The following CDH23 variants were observed in gnomAD, a reference collection of about 807,000 sequenced individuals.
CDH23 encodes cadherin related 23.
CDH23 carries 189 observed loss-of-function variants against 317.1 expected under a neutral mutation model. The observed-to-expected ratio is 0.60, with a 90% confidence interval of 0.53 to 0.67. CDH23 has a LOEUF of 0.67. Ranked by LOEUF, CDH23 falls within the 30% of genes least tolerant of loss-of-function variation. The pLI is 0.00. For synonymous variants in CDH23, 1,839 were observed against 1,876.8 expected (o/e 0.98, Z 0.52); for missense variants, 4,401 against 4,592.4 (o/e 0.96, Z 1.20).
chr10:71,742,358 A>C (rs1423746461), intron 38 of CDH23, among the ~76,000 whole-genome samples: 3 of 152,156 alleles, frequency 2.0e-5, no homozygotes, highest in African/African-American at 7.2e-5. Context: ...CTTCCCCTAC[A>C]TTGTGTGGTG....
intron 3 of CDH23, among the ~76,000 whole-genome samples, chr10:71,486,471 G>T (rs1852352719): frequency 6.6e-6 from 1 of 151,968 alleles, no homozygotes; most frequent in Admixed American, 6.5e-5. Context: ...CGGGGATTAT[G>T]AGGGGACACA....
At chr10:71,626,291 C>A (rs1016535842) in intron 11 of CDH23, among the ~76,000 whole-genome samples, 1 of 152,172 alleles carries the variant, frequency 6.6e-6, no homozygotes, top group Admixed American at 6.5e-5. Context: ...CCCTGTACTG[C>A]GCTAACCCTA....
At chr10:71,467,561 T>G (rs1851313388) in intron 3 of CDH23, among the ~76,000 whole-genome samples, 1 of 152,106 alleles carries the variant, frequency 6.6e-6, no homozygotes, top group Non-Finnish European at 1.5e-5. Context: ...CCATAGTGGT[T>G]AGGAGCAGAG....
intron 18 of CDH23, among the ~76,000 whole-genome samples, chr10:71,684,383 T>C (rs1864786167): frequency 6.6e-6 from 1 of 152,130 alleles, no homozygotes; most frequent in South Asian, 2.1e-4. Context: ...GGCAGTGAAT[T>C]CTGTGCTGGG....
chr10:71,718,960 C>A (rs1866423541), intron 28 of CDH23, among the ~76,000 whole-genome samples: 1 of 151,880 alleles, frequency 6.6e-6, no homozygotes, highest in African/African-American at 2.4e-5. Flanking sequence ...TGCCTGTGGC[C>A]CCAGCTACTC....
intron 20 of CDH23, among the ~76,000 whole-genome samples, chr10:71,693,288 T>TA (rs891924166): frequency 3.9e-5 from 6 of 152,026 alleles, no homozygotes; most frequent in Admixed American, 2.6e-4. Flanking sequence ...TTTTTTTTTT[T>TA]TTATTTTGGG....
intron 9 of CDH23, among the ~76,000 whole-genome samples, chr10:71,589,584 A>T (rs1859327849): frequency 6.6e-6 from 1 of 152,206 alleles, no homozygotes. Flanking sequence ...TGGGTGCCTG[A>T]AGCATGGCAT....
intron 3 of CDH23, among the ~76,000 whole-genome samples, chr10:71,498,019 G>A (rs962146136): frequency 6.6e-6 from 1 of 152,180 alleles, no homozygotes; most frequent in Non-Finnish European, 1.5e-5. Flanking sequence ...CCCGGAGGTT[G>A]GAGTGGGCAC....
chr10:71,604,564 T>G (rs1257851434), intron 9 of CDH23, among the ~76,000 whole-genome samples: 1 of 152,216 alleles, frequency 6.6e-6, no homozygotes, highest in Non-Finnish European at 1.5e-5. Context: ...TGCTTCCTCC[T>G]CTGGGCATCA....
chr10:71,759,884 CAT>C lies in CDH23; in HGVS notation c.4846-17792_4846-17791del, dbSNP rs377560344. Among the ~76,000 whole-genome samples the C allele has an allele frequency of 8.1e-5, 4 of 49,118 alleles. 1 individual carries two copies. The highest frequency in any genetic ancestry group is 2.5e-4 in the Admixed American group (1 of 4,066). The allele number at this position is 49,118 out of a possible 152,430, so 32.2% of individuals were successfully genotyped here. ...ACACACATATATATACACACACACA[CAT>C]ATACACACACACATATATACACACA... On this transcript the variant is annotated intron_variant, in intron 38 of 69. Transcript: ENST00000224721.
chr10:71,649,190 C>T lies in CDH23; in HGVS notation c.1449+2573C>T, dbSNP rs1160176197. On this transcript the variant is annotated intron_variant, in intron 14 of 69. Transcript: ENST00000224721. ...TGCCCTGCTCTTGGCCTCCTTCACC[C>T]GGCAGCTCTCTGCTCAGACCCGGGG... 4.6e-5 allele frequency among the ~76,000 whole-genome samples: 7 copies of T among 152,284 alleles called. No homozygotes were observed. In the South Asian group the frequency reaches 1.0e-3, roughly 23 times the overall value.
At chr10:71,709,973 A>G (rs1865915941) in intron 27 of CDH23, among the ~76,000 whole-genome samples, 1 of 152,020 alleles carries the variant, frequency 6.6e-6, no homozygotes, top group Admixed American at 6.6e-5. Flanking sequence ...AAAAGTAGAA[A>G]CCCCTGATAA....
intron 11 of CDH23, among the ~76,000 whole-genome samples, chr10:71,619,690 C>G (rs1861372697): frequency 4.6e-5 from 7 of 152,226 alleles, no homozygotes; most frequent in Admixed American, 4.6e-4. Context: ...GATTGGCTGG[C>G]CACAGCAGGC....
chr10:71,804,574 G>C (rs1310249403), intron 55 of CDH23, among the ~76,000 whole-genome samples: 1 of 152,190 alleles, frequency 6.6e-6, no homozygotes, highest in Admixed American at 6.5e-5. Flanking sequence ...CTCTCCCAAG[G>C]CTAAGCTCAA....
intron 9 of CDH23, among the ~76,000 whole-genome samples, chr10:71,583,509 C>T (rs2132420024): frequency 6.6e-6 from 1 of 152,158 alleles, no homozygotes; most frequent in South Asian, 2.1e-4. Context: ...ACAGTCACAG[C>T]CCCGACTGCC....
At chr10:71,474,426 A>T (rs1483167775) in intron 3 of CDH23, among the ~76,000 whole-genome samples, 2 of 152,196 alleles carry the variant, frequency 1.3e-5, no homozygotes, top group Non-Finnish European at 2.9e-5. Flanking sequence ...CTTAGCCCAC[A>T]GAGACCTTTC....
chr10:71,397,104 G>C lies in CDH23; in HGVS notation c.-220G>C. 1 of 174,796 alleles carries C rather than the reference G, an allele frequency of 5.7e-6. No individual in the cohort carries two copies. The highest frequency in any genetic ancestry group is 1.2e-5 in the Non-Finnish European group (1 of 83,332). 10.8% of individuals were successfully genotyped at this position (174,796 alleles called of 1,614,324 possible). On this transcript the variant is annotated 5_prime_UTR_variant, in exon 1 of 70. Transcript: ENST00000224721. This position sits in a 1 kb window ranked among gnomAD's most constrained non-coding sequence, Gnocchi z 4.8. ...GACGTTTGGGGCGCGCCCAGTCCGA[G>C]CCCCCGGCGCGCCTGAAGTTGCGAG...
intron 26 of CDH23, chr10:71,707,270 T>C: frequency 6.9e-7 from 1 of 1,440,640 alleles, no homozygotes; most frequent in Non-Finnish European, 9.1e-7. Flanking sequence ...CCTGGGGACC[T>C]CCTGAACCTG....
intron 14 of CDH23, among the ~76,000 whole-genome samples, chr10:71,657,968 T>C (rs147807220): frequency 9.2e-5 from 14 of 152,198 alleles, no homozygotes; most frequent in African/African-American, 2.9e-4. Flanking sequence ...ATTCCAGCCC[T>C]GCCCCCAGGC....
Sources: gnomAD v4.1 joint callset for allele counts (sites outside exome capture counted in the v4.1 genomes callset) on GRCh38, gnomAD v4.1.1 for gene constraint, Gnocchi (gnomAD v3.1) non-coding constraint, MANE v1.5 for transcripts, NCBI Gene and HGNC (gene_info 2026-07-23, HGNC 2026-07-21) for gene names.